Variants in MNX1 observed in about 807,000 individuals in gnomAD.
MNX1 encodes the protein motor neuron and pancreas homeobox protein 1.
In MNX1, 2 loss-of-function variants were observed where a neutral mutation model predicts 17.3. The observed-to-expected ratio is 0.12, with a 90% CI of 0.05 to 0.36. The LOEUF (loss-of-function observed/expected upper bound fraction) is 0.36. Ranked by LOEUF, MNX1 falls within the 10% of genes least tolerant of loss-of-function variation. MNX1 has a pLI of 1.00. For synonymous variants in MNX1, 306 were observed against 283.1 expected (o/e 1.08, Z -0.81); for missense variants, 556 against 564.7 (o/e 0.98, Z 0.16).
At position 157,004,964 on chromosome 7, in the gene MNX1, C is replaced by A. The variant is rs930192498; in HGVS notation, c.*556G>T. The A allele has an allele frequency of 4.7e-6, 1 of 210,620 alleles. No homozygotes were observed. The highest frequency in any genetic ancestry group is 2.3e-5 in the African/African-American group (1 of 43,904). The allele number at this position is 210,620 out of a possible 1,614,324, so 13.0% of individuals were successfully genotyped here. On this transcript the variant is annotated 3_prime_UTR_variant, in exon 3 of 3. Coordinates refer to ENST00000252971, the MANE Select transcript of MNX1 (RefSeq NM_005515.4). This position sits in a 1 kb window ranked among gnomAD's most constrained non-coding sequence, Gnocchi z 6.2. Reference sequence around the variant, plus strand: ...TCTTTTTATATATAAATACAATATACAAAAATAAAGACAGTACAGTTTTGA... The same window carrying A: ...TCTTTTTATATATAAATACAATATAAAAAAATAAAGACAGTACAGTTTTGA...
intron 1 of MNX1, chr7:157,009,167 TC>T: frequency 2.7e-6 from 4 of 1,482,030 alleles, no homozygotes; most frequent in Non-Finnish European, 3.6e-6. Context: ...TGGCCTTGCC[TC>T]CCCGGGCCTC....
rs1482077229 is a variant in MNX1 at position 157,005,809 on chromosome 7, G to T, written c.917C>A (p.Ala306Glu). 1.2e-5 allele frequency: 20 copies of T among 1,611,918 alleles called. No homozygotes were observed. The highest frequency in any genetic ancestry group is 1.7e-5 in the Non-Finnish European group (20 of 1,179,802). Residue 306 changes from alanine to glutamate, a missense_variant, in exon 3 of 3, where the codon GCG (alanine) becomes GAG (glutamate). Coordinates refer to ENST00000252971, the MANE Select transcript of MNX1 (RefSeq NM_005515.4). ...CTTCTGTTTCTCCGCTTCCTGCGCC[G>T]CCTGCTCTTTGGCCTTTTTGCTGCG... ...WKRSKKAKEQ[A>E]AQEAEKQKGG...
rs886692955 is a variant in MNX1, at chr7:157,005,276, C to T, written c.*244G>A. 3.7e-6 allele frequency: 1 copy of T among 273,434 alleles called. No homozygotes were observed. Among genetic ancestry groups the T allele is most frequent in the Non-Finnish European group, 6.9e-6 (1 of 145,880 alleles). 16.9% of individuals were successfully genotyped at this position (273,434 alleles called of 1,614,324 possible). A position where few individuals can be genotyped will look rare whatever the true frequency, so the allele number is the denominator to read the frequency against. On this transcript the variant is annotated 3_prime_UTR_variant, in exon 3 of 3. Coordinates refer to ENST00000252971, the MANE Select transcript of MNX1 (RefSeq NM_005515.4). ...AAAAGAACCAGAGTTCAAGTTTCAGCCCCCTGGGTCTCCCTCTCGCTGTTT... is the reference window on the plus strand; with the variant it reads ...AAAAGAACCAGAGTTCAAGTTTCAGTCCCCTGGGTCTCCCTCTCGCTGTTT...
Position 157,005,589 on chromosome 7 carries a change from G to A in MNX1, c.1137C>T (p.Ala379=), listed in dbSNP as rs531296106. The A allele has an allele frequency of 5.0e-6, 8 of 1,598,430 alleles. No individual in the cohort carries two copies. The highest frequency in any genetic ancestry group is 4.1e-5 in the African/African-American group (3 of 73,934). Residue 379 remains alanine, a synonymous_variant, in exon 3 of 3, where the codon GCC becomes GCT. Transcript: ENST00000252971. ...PYSNGASVHA[A]SSDCSSEDDS... is the part of the protein sequence containing the mutation. ...CGTCCTCCGAGGAGCAGTCGGAGGA[G>A]GCGGCGTGGACGCTGGCGCCGTTGC...
In MNX1 at chr7:157,005,483, G is replaced by T; in HGVS notation, c.*37C>A. On this transcript the variant is annotated 3_prime_UTR_variant, in exon 3 of 3. Coordinates refer to ENST00000252971, the MANE Select transcript of MNX1 (RefSeq NM_005515.4). ...TCCGGGAGAAGCCGCCGGCCGGGGC[G>T]CTCCGTGCGCGCCGCACCTGCTGGG... is the stretch of plus-strand genomic sequence containing the variant. The T allele has an allele frequency of 1.6e-6, 2 of 1,250,364 alleles. No individual in the cohort carries two copies. The highest frequency in any genetic ancestry group is 1.6e-5 in the African/African-American group (1 of 64,018). The allele number at this position is 1,250,364 out of a possible 1,614,324, so 77.5% of individuals were successfully genotyped here.
At chr7:157,009,351 C>G in intron 1 of MNX1, 3 of 1,414,616 alleles carry the variant, frequency 2.1e-6, no homozygotes, top group Non-Finnish European at 2.8e-6. Context: ...CTCGCCTTCC[C>G]CCGGCGACTT....
intron 1 of MNX1, chr7:157,009,282 TC>T: frequency 2.8e-6 from 4 of 1,417,816 alleles, no homozygotes; most frequent in Middle Eastern, 3.7e-4. Context: ...CAAGTTCCTT[TC>T]CCCGGTGATA....
chr7:157,008,985 GGGCATTC>G (rs1805655131), intron 1 of MNX1: 1 of 1,536,830 alleles, frequency 6.5e-7, no homozygotes, highest in African/African-American at 1.4e-5. Flanking sequence ...CACCTTGGAG[GGGCATTC>G]GTTACCTTGT....
intron 1 of MNX1, chr7:157,008,816 C>T: frequency 1.6e-6 from 1 of 631,258 alleles, no homozygotes; most frequent in Non-Finnish European, 2.7e-6. Flanking sequence ...GCCAGAGCCC[C>T]AGAGAGCCAG....
In MNX1 at chr7:157,005,760, C is replaced by T; in HGVS notation, c.966G>A (p.Lys322=). 6 of 1,609,666 alleles carry T rather than the reference C, an allele frequency of 3.7e-6. No homozygotes were observed. The highest frequency in any genetic ancestry group is 5.1e-6 in the Non-Finnish European group (6 of 1,179,484). The part of the protein sequence containing the change: ...KQKGGGGGAG[K]GGAEEPGAEE... The stretch of plus-strand genomic sequence containing the variant: ...CGGCTCCCGGCTCCTCCGCGCCGCC[C>T]TTCCCCGCGCCCCCGCCGCCGCCCT... The change falls in exon 3 of 3, where the codon AAG becomes AAA. Residue 322 remains lysine (K), a synonymous_variant. Coordinates refer to ENST00000252971, the MANE Select transcript of MNX1 (RefSeq NM_005515.4).
rs572485501 is a variant in MNX1, at chr7:157,006,740, G to C, written c.692-101C>G. On this transcript the variant is annotated intron_variant, in intron 1 of 2. Transcript: ENST00000252971. The surrounding 1 kb of genome is among the most constrained non-coding windows in gnomAD (Gnocchi z 6.3). ...ACTACACTCAAGGCCCCAGCGCCAAGGCCTGGCCCTGCAGAGGGCGGGGCT... is the reference window on the plus strand; with the variant it reads ...ACTACACTCAAGGCCCCAGCGCCAACGCCTGGCCCTGCAGAGGGCGGGGCT... The C allele has an allele frequency of 4.9e-5, 65 of 1,326,514 alleles. No homozygotes were observed. Among genetic ancestry groups the C allele is most frequent in the Non-Finnish European group, 8.1e-6 (8 of 982,132 alleles). 82.2% of individuals were successfully genotyped at this position (1,326,514 alleles called of 1,614,324 possible).
intron 2 of MNX1, 62 bp from the exon 3 acceptor site, chr7:157,005,935 AGTCCCCCGGCC>A: frequency 6.3e-7 from 1 of 1,591,804 alleles, no homozygotes; most frequent in Non-Finnish European, 8.6e-7. Context: ...CTGTCCCCGG[AGTCCCCCGGCC>A]GCGTGCGCCT....
chr7:157,009,100 C>T (rs1057176983), intron 1 of MNX1: 4 of 1,536,192 alleles, frequency 2.6e-6, no homozygotes, highest in Non-Finnish European at 2.6e-6. Context: ...ACCCCGGATC[C>T]AACGCCCTTC....
rs911383875 is a variant in MNX1, at chr7:157,010,535, TG to T, written c.-186del. Reference sequence around the variant, plus strand: ...GACCATGGTCCCGGCGCCTCCTCCGTGCGGGCCCCGCCCCGGGCCGCGCTCG... The same window carrying T: ...GACCATGGTCCCGGCGCCTCCTCCGTCGGGCCCCGCCCCGGGCCGCGCTCG... On this transcript the variant is annotated 5_prime_UTR_variant, in exon 1 of 3. Transcript: ENST00000252971. 4 of 404,362 alleles carry T rather than the reference TG, an allele frequency of 9.9e-6. No homozygotes were observed. Among genetic ancestry groups the T allele is most frequent in the African/African-American group, 8.4e-5 (4 of 47,804 alleles). The allele number at this position is 404,362 out of a possible 1,614,324, so 25.0% of individuals were successfully genotyped here. A position where few individuals can be genotyped will look rare whatever the true frequency, so the allele number is the denominator to read the frequency against.
In MNX1 at chr7:157,006,257, CCTT is replaced by C; in HGVS notation, c.852+219_852+221del. On this transcript the variant is annotated intron_variant, in intron 2 of 2. Coordinates refer to ENST00000252971, the MANE Select transcript of MNX1 (RefSeq NM_005515.4). This position sits in a 1 kb window ranked among gnomAD's most constrained non-coding sequence, Gnocchi z 6.3. ...TTTCTCGAATGCGGCCTGGGGATCA[CCTT>C]CTTCAGAATGAAAGGAGGGGTGGTT... The C allele has an allele frequency of 3.3e-6, 2 of 597,206 alleles. No individual in the cohort carries two copies. Among genetic ancestry groups the C allele is most frequent in the South Asian group, 2.0e-5 (1 of 48,874 alleles). The allele number at this position is 597,206 out of a possible 1,614,324, so 37.0% of individuals were successfully genotyped here. A position where few individuals can be genotyped will look rare whatever the true frequency, so the allele number is the denominator to read the frequency against.
rs1278873833 is a variant in MNX1 at position 157,010,334 on chromosome 7, T to G, written c.17A>C (p.Asn6Thr). Residue 6 changes from asparagine (N) to threonine (T), a missense_variant, in exon 1 of 3, where the codon AAT (asparagine) becomes ACT (threonine). Physicochemically the swap from Asn to Thr is moderately conservative, Grantham distance 65. Coordinates refer to ENST00000252971, the MANE Select transcript of MNX1 (RefSeq NM_005515.4). ...CGCCAGCAGGGCGTCGATGCGGAAA[T>G]TTTTGGATTTTTCCATCGGCTCGTT... is the stretch of plus-strand genomic sequence containing the variant. Reference protein sequence around the residue: MEKSKNFRIDALLAVD... With the variant: MEKSKTFRIDALLAVD... The G allele has an allele frequency of 6.3e-7, 1 of 1,580,156 alleles. No individual in the cohort carries two copies. The highest frequency in any genetic ancestry group is 8.6e-7 in the Non-Finnish European group (1 of 1,163,574).
At position 157,006,437 on chromosome 7, in the gene MNX1, C is replaced by T. The variant is rs1191502516; in HGVS notation, c.852+42G>A. ...CACAAGTGCAAAGGTAACAGTGTCC[C>T]CTGGGAGGCCGGGATGCGTCGGGGG... On this transcript the variant is annotated intron_variant, in intron 2 of 2. Coordinates refer to ENST00000252971, the MANE Select transcript of MNX1 (RefSeq NM_005515.4). The surrounding 1 kb of genome is among the most constrained non-coding windows in gnomAD (Gnocchi z 6.3). 1.9e-6 allele frequency: 3 copies of T among 1,594,886 alleles called. No homozygotes were observed. The highest frequency in any genetic ancestry group is 2.6e-6 in the Non-Finnish European group (3 of 1,173,134).
chr7:157,009,369 C>CT, intron 1 of MNX1: 1 of 1,417,680 alleles, frequency 7.1e-7, no homozygotes, highest in Non-Finnish European at 9.2e-7. Context: ...CTTCCTTCTC[C>CT]TGCAGCCTTC....
chr7:157,005,753 C>T lies in MNX1; in HGVS notation c.973G>A (p.Ala325Thr). 6.2e-7 allele frequency: 1 copy of T among 1,609,260 alleles called. No individual in the cohort carries two copies. The highest frequency in any genetic ancestry group is 1.1e-5 in the South Asian group (1 of 91,032). ...GGGGGAGKGG[A>T]EEPGAEELLG... ...AGCTCCTCGGCTCCCGGCTCCTCCGCGCCGCCCTTCCCCGCGCCCCCGCCG... is the reference window on the plus strand; with the variant it reads ...AGCTCCTCGGCTCCCGGCTCCTCCGTGCCGCCCTTCCCCGCGCCCCCGCCG... Residue 325 changes from alanine (A) to threonine (T), a missense_variant, in exon 3 of 3, where the codon GCG becomes ACG. Around this residue, in one of 7 missense-constraint regions of MNX1, gnomAD observed 178 missense variants for 155.2 expected, o/e 1.15. Coordinates refer to ENST00000252971, the MANE Select transcript of MNX1 (RefSeq NM_005515.4).
Sources: allele counts gnomAD v4.1 joint callset, GRCh38; gene constraint gnomAD v4.1.1; regional missense constraint gnomAD v4.1.1; non-coding constraint Gnocchi (gnomAD v3.1); transcripts MANE v1.5; gene names NCBI Gene and HGNC (gene_info 2026-07-23, HGNC 2026-07-21).